Variants in EPSTI1 observed in about 807,000 individuals in gnomAD.
The protein encoded by EPSTI1 is epithelial-stromal interaction protein 1.
A neutral mutation model predicts 49.9 loss-of-function variants in EPSTI1; 66 were observed. That is an observed-to-expected ratio of 1.32 (90% CI 1.08 to 1.62). The LOEUF (loss-of-function observed/expected upper bound fraction) is 1.62. EPSTI1 is among the 40% of genes most tolerant of loss of function. EPSTI1 has a pLI of 0.00. For missense variants in EPSTI1, 394 were observed against 365.5 expected (o/e 1.08, Z -0.64); for synonymous variants, 137 against 130.7 (o/e 1.05, Z -0.33).
At chr13:42,948,900 A>C (rs2039006089) in intron 6 of EPSTI1, among the ~76,000 whole-genome samples, 1 of 152,344 alleles carries the variant, frequency 6.6e-6, no homozygotes, top group African/African-American at 2.4e-5. Context: ...CAAGCCCCCC[A>C]ACAGACTTAA....
At position 42,894,104 on chromosome 13, in the gene EPSTI1, T is replaced by A. The variant is rs2037118570; in HGVS notation, c.915+905A>T. On this transcript the variant is annotated intron_variant, in intron 10 of 10. Coordinates refer to ENST00000313624, the MANE Select transcript of EPSTI1 (RefSeq NM_033255.5). ...TACATTTATAAAATCCACTCATCAA[T>A]GTAAACTACTAGATTACTAGATGTC... Among the ~76,000 whole-genome samples the A allele has an allele frequency of 2.0e-5, 3 of 152,370 alleles. No individual in the cohort carries two copies. In the South Asian group the frequency reaches 6.2e-4, roughly 32 times the overall value.
chr13:42,918,128 A>G (rs528921000), intron 7 of EPSTI1, among the ~76,000 whole-genome samples: 1 of 152,216 alleles, frequency 6.6e-6, no homozygotes, highest in Non-Finnish European at 1.5e-5. Context: ...AAGCACTTGC[A>G]TCCCTAATCT....
intron 3 of EPSTI1, 88 bp downstream of exon 3, chr13:42,969,006 C>T: frequency 8.1e-7 from 1 of 1,234,716 alleles, no homozygotes; most frequent in South Asian, 1.2e-5. Context: ...CTACAATGGA[C>T]ATTCACAGAC....
rs1331297658 is a variant in EPSTI1, at chr13:42,926,336, C to T, written c.657G>A (p.Trp219Ter). Residue 219 changes from tryptophan (W) to a stop codon, truncating the protein, a stop_gained and splice_region_variant, in exon 7 of 11, where the codon TGG becomes TGA. Coordinates refer to ENST00000313624, the MANE Select transcript of EPSTI1 (RefSeq NM_033255.5). LOFTEE classifies it high-confidence loss of function. ...SAVCGPQSST[W>*]ARSWAYRDSL... is the part of the protein sequence containing the mutation. ...GCACCCTGCAAAGTAATTCACTTAC[C>T]CATGTTGAGGATTGTGGGCCACAAA... is the stretch of plus-strand genomic sequence containing the variant. 3.2e-6 allele frequency: 5 copies of T among 1,580,788 alleles called. No individual in the cohort carries two copies. The African/African-American group carries it at 4.0e-5, about 13-fold the overall frequency.
intron 9 of EPSTI1, 71 bp from the exon 10 acceptor site, chr13:42,895,179 T>A (rs760017900): frequency 1.6e-6 from 2 of 1,228,860 alleles, no homozygotes. Context: ...GAGAATCTAA[T>A]GTGTTGTATG....
At chr13:42,955,668 G>A (rs1385945295) in intron 5 of EPSTI1, among the ~76,000 whole-genome samples, 1 of 152,104 alleles carries the variant, frequency 6.6e-6, no homozygotes, top group Non-Finnish European at 1.5e-5. Context: ...CAGTGGTGGT[G>A]GCAGGCACCT....
chr13:42,931,469 T>C (rs906891612), intron 6 of EPSTI1, among the ~76,000 whole-genome samples: 1 of 151,616 alleles, frequency 6.6e-6, no homozygotes, highest in African/African-American at 2.4e-5. Context: ...CTTCCCAAAG[T>C]GCTGGGATTA....
intron 1 of EPSTI1, among the ~76,000 whole-genome samples, chr13:42,979,372 A>C (rs1301382304): frequency 6.6e-6 from 1 of 152,026 alleles, no homozygotes; most frequent in African/African-American, 2.4e-5. Context: ...AGGTCAGGAG[A>C]TGGAGACCAT....
At chr13:42,971,394 T>C (rs117398639) in intron 1 of EPSTI1, among the ~76,000 whole-genome samples, 1,624 of 152,278 alleles carry the variant, frequency 0.011, 21 homozygotes, top group Non-Finnish European at 0.014. Flanking sequence ...GCTTGATAAA[T>C]GTGGGCTGAA....
At chr13:42,924,722 C>T (rs1156545723) in intron 7 of EPSTI1, among the ~76,000 whole-genome samples, 2 of 152,166 alleles carry the variant, frequency 1.3e-5, no homozygotes, top group South Asian at 2.1e-4. Flanking sequence ...GATGAATTTC[C>T]TTTAATATAA....
At chr13:42,969,890 A>T (rs1027880668) in intron 2 of EPSTI1, 1 of 152,266 alleles carries the variant, frequency 6.6e-6, no homozygotes, top group African/African-American at 2.4e-5. Flanking sequence ...GACCACATTG[A>T]GACTTAATCT....
At chr13:42,986,790 C>CA (rs2040091951) in intron 1 of EPSTI1, among the ~76,000 whole-genome samples, 1 of 146,634 alleles carries the variant, frequency 6.8e-6, no homozygotes, top group Non-Finnish European at 1.5e-5. Context: ...AGCCCCATCT[C>CA]AGTTTCTGGG....
intron 10 of EPSTI1, 27 bp from the exon 11 acceptor site, chr13:42,888,529 C>T (rs2036931707): frequency 7.6e-6 from 12 of 1,575,320 alleles, no homozygotes; most frequent in Admixed American, 1.9e-5. Flanking sequence ...ACAAAAATTA[C>T]TGCAAGCAGC....
At chr13:42,990,072 G>A (rs1424231957) in intron 1 of EPSTI1, among the ~76,000 whole-genome samples, 1 of 151,508 alleles carries the variant, frequency 6.6e-6, no homozygotes, top group Admixed American at 6.6e-5. Flanking sequence ...AGTAACTAAT[G>A]GAGATGCAAC....
rs1370818840 is a variant in EPSTI1 at position 42,953,987 on chromosome 13, T to C, written c.524A>G (p.Glu175Gly). 6.2e-7 allele frequency: 1 copy of C among 1,613,038 alleles called. No homozygotes were observed. Among genetic ancestry groups the C allele is most frequent in the Non-Finnish European group, 8.5e-7 (1 of 1,179,888 alleles). ...NKLEEKKRLQENLRREAFREH... is the reference protein window; with the variant it reads ...NKLEEKKRLQGNLRREAFREH... ...TCTAAATGCTTCTCTTCTAAGGTTT[T>C]CTTGAAGTCTTTTTTTCTCCTCCAG... Residue 175 changes from glutamate to glycine, a missense_variant, in exon 6 of 11, where the codon GAA becomes GGA. Physicochemically the swap from Glu to Gly is moderately conservative, Grantham distance 98. Coordinates refer to ENST00000313624, the MANE Select transcript of EPSTI1 (RefSeq NM_033255.5).
At chr13:42,906,181 G>C (rs144132449) in intron 8 of EPSTI1, among the ~76,000 whole-genome samples, 233 of 152,316 alleles carry the variant, frequency 1.5e-3, no homozygotes, top group Non-Finnish European at 2.9e-3. Flanking sequence ...AATAAGAAGA[G>C]GGGTTGCCAT....
At chr13:42,986,744 C>CAAAA (rs71099813) in intron 1 of EPSTI1, among the ~76,000 whole-genome samples, 2 of 80,806 alleles carry the variant, frequency 2.5e-5, no homozygotes, top group African/African-American at 1.3e-4. Context: ...GATTCCATCT[C>CAAAA]AAAAAAAAAA....
intron 2 of EPSTI1, chr13:42,969,711 G>A (rs552467525): frequency 6.5e-6 from 1 of 152,838 alleles, no homozygotes; most frequent in Admixed American, 6.5e-5. Flanking sequence ...GTGCAGAGTC[G>A]GCTTCCTGGG....
intron 10 of EPSTI1, among the ~76,000 whole-genome samples, chr13:42,893,145 G>A (rs1487011035): frequency 3.3e-5 from 5 of 152,162 alleles, no homozygotes; most frequent in Non-Finnish European, 4.4e-5. Context: ...AGCAAGGAGA[G>A]GCACCTTTTG....
Sources: gnomAD v4.1 joint callset for allele counts (sites outside exome capture counted in the v4.1 genomes callset) on GRCh38, gnomAD v4.1.1 for gene constraint, MANE v1.5 for transcripts, NCBI Gene and HGNC (gene_info 2026-07-23, HGNC 2026-07-21) for gene names.